PUDP: variants seen among roughly 807,000 people sequenced by gnomAD.
PUDP encodes pseudouridine 5'-phosphatase, also known as pseudouridine-5'-phosphatase.
A neutral mutation model predicts 9.4 loss-of-function variants in PUDP; 8 were observed. That is an observed-to-expected ratio of 0.85 (90% CI 0.50 to 1.53). The LOEUF is 1.53. Among genes scored for constraint, PUDP ranks in the 40% most tolerant of loss-of-function variants. The probability of loss-of-function intolerance (pLI) is 0.00; values close to 1 mark genes in which losing one functional copy is unlikely to be tolerated. For missense variants in PUDP, 188 were observed against 189.7 expected (o/e 0.99, Z 0.05); for synonymous variants, 99 against 80.7 (o/e 1.23, Z -1.22).
intron 3 of PUDP, among the ~76,000 whole-genome samples, chrX:6,816,364 CATATACT>C (rs772689754): frequency 9.7e-6 from 1 of 103,034 alleles, no homozygotes; most frequent in South Asian, 4.1e-4. Context: ...ACATATAGTA[CATATACT>C]ATATACTATA....
Position 6,956,802 on chromosome X carries a change from A to C in PUDP, c.*247+20331T>G, listed in dbSNP as rs979552290. Among the ~76,000 whole-genome samples the C allele has an allele frequency of 2.7e-5, 3 of 111,779 alleles. No individual in the cohort carries two copies. In the East Asian group the frequency reaches 8.4e-4, roughly 31 times the overall value. ...GTCATGGACTTTGCAACCAAAAGCC[A>C]CCATAGAAGGGTCCTGATTCCATTC... On this transcript the variant is annotated intron_variant and NMD_transcript_variant, in intron 3 of 3. Coordinates refer to the PUDP transcript ENST00000655425.
chrX:6,725,184 C>T (rs1391962205), upstream of PUDP, among the ~76,000 whole-genome samples: 1 of 111,596 alleles, frequency 9.0e-6, no homozygotes, highest in Non-Finnish European at 1.9e-5. Context: ...AGAATATCAT[C>T]CCTACAGGAT....
intron 1 of PUDP, among the ~76,000 whole-genome samples, chrX:7,010,557 A>G (rs1485399808): frequency 8.9e-6 from 1 of 112,180 alleles, no homozygotes; most frequent in Non-Finnish European, 1.9e-5. Context: ...TTCAATGTCC[A>G]TAAATCTTCA....
intron 3 of PUDP, among the ~76,000 whole-genome samples, chrX:7,056,834 C>A (rs988573462): frequency 8.9e-6 from 1 of 112,357 alleles, no homozygotes; most frequent in African/African-American, 3.2e-5. Flanking sequence ...CAGAGGCAAG[C>A]TGGAGGTCAT....
At chrX:6,936,886 T>C (rs1928311434) in intron 3 of PUDP, among the ~76,000 whole-genome samples, 1 of 93,078 alleles carries the variant, frequency 1.1e-5, no homozygotes, top group Non-Finnish European at 2.1e-5. Flanking sequence ...TCACAATTGC[T>C]TCAAAGAGAA....
chrX:7,008,935 A>G (rs1929440119), intron 1 of PUDP, among the ~76,000 whole-genome samples: 1 of 112,486 alleles, frequency 8.9e-6, no homozygotes, highest in South Asian at 3.6e-4. Flanking sequence ...CTACTTAACT[A>G]TTTACATTTT....
intron 3 of PUDP, among the ~76,000 whole-genome samples, chrX:6,733,770 C>CT (rs3046297): frequency 0.079 from 3,633 of 45,856 alleles, 339 homozygotes; most frequent in African/African-American, 0.14. Flanking sequence ...AAAGCAAAGC[C>CT]TTTTTTTTTT....
intron 1 of PUDP, among the ~76,000 whole-genome samples, chrX:7,026,548 C>A (rs1393268312): frequency 1.8e-5 from 2 of 111,972 alleles, no homozygotes; most frequent in East Asian, 5.7e-4. Context: ...TTGATCTTGT[C>A]CATGGTGCTG....
At chrX:7,131,362 T>C (rs1208847503) in intron 1 of PUDP, among the ~76,000 whole-genome samples, 2 of 110,657 alleles carry the variant, frequency 1.8e-5, no homozygotes, top group Non-Finnish European at 3.8e-5. Flanking sequence ...CGGACCTTAT[T>C]TGGAAAAAAG....
At chrX:6,826,465 G>A (rs1030662901) in intron 3 of PUDP, among the ~76,000 whole-genome samples, 1 of 111,535 alleles carries the variant, frequency 9.0e-6, no homozygotes, top group Non-Finnish European at 1.9e-5. Context: ...AAGACAAGGA[G>A]GTACAGGGAA....
chrX:6,905,992 G>T (rs947447342), intron 3 of PUDP, among the ~76,000 whole-genome samples: 6 of 112,053 alleles, frequency 5.4e-5, no homozygotes, highest in African/African-American at 1.9e-4. Flanking sequence ...TCCTCAGGAA[G>T]TAATCTTCAT....
intron 3 of PUDP, among the ~76,000 whole-genome samples, chrX:6,894,018 T>A (rs1208046231): frequency 8.9e-6 from 1 of 111,846 alleles, no homozygotes; most frequent in African/African-American, 3.3e-5. Flanking sequence ...AAAGACTGCT[T>A]GTTCTCACTT....
intron 1 of PUDP, among the ~76,000 whole-genome samples, chrX:7,000,496 T>C (rs1225236610): frequency 9.0e-6 from 1 of 110,959 alleles, no homozygotes; most frequent in African/African-American, 3.3e-5. Context: ...ATTCATTTTA[T>C]GAGACTAGTT....
intron 2 of PUDP, among the ~76,000 whole-genome samples, chrX:7,104,764 G>A (rs998594449): frequency 8.9e-6 from 1 of 111,978 alleles, no homozygotes; most frequent in African/African-American, 3.2e-5. Context: ...GTGTGTGTTT[G>A]CATGTGTGTG....
chrX:6,807,138 A>G (rs1926063843), intron 3 of PUDP, among the ~76,000 whole-genome samples: 1 of 112,557 alleles, frequency 8.9e-6, no homozygotes, highest in Non-Finnish European at 1.9e-5. Context: ...CTTAAGAGCC[A>G]TTAAAGAAGG....
At chrX:6,885,523 A>C (rs1927409493) in intron 3 of PUDP, among the ~76,000 whole-genome samples, 1 of 112,092 alleles carries the variant, frequency 8.9e-6, no homozygotes, top group South Asian at 3.7e-4. Flanking sequence ...TACAAACCTT[A>C]AGGGGGATCA....
At chrX:7,069,716 C>T (rs994863578) in intron 3 of PUDP, among the ~76,000 whole-genome samples, 10 of 111,195 alleles carry the variant, frequency 9.0e-5, no homozygotes, top group African/African-American at 3.3e-4. Flanking sequence ...AGAATTCAGC[C>T]CTCAGCCCTC....
At chrX:6,900,713 G>C (rs1180540943) in intron 3 of PUDP, among the ~76,000 whole-genome samples, 1 of 108,160 alleles carries the variant, frequency 9.2e-6, no homozygotes, top group Non-Finnish European at 1.9e-5. Context: ...TTCTTTTTTA[G>C]AGAGGGAGTC....
intron 1 of PUDP, among the ~76,000 whole-genome samples, chrX:6,986,728 C>T (rs750093903): frequency 9.0e-6 from 1 of 111,691 alleles, no homozygotes; most frequent in South Asian, 3.8e-4. Context: ...TGCTCTCTCC[C>T]CGGCTTCCAG....
Sources: allele counts gnomAD v4.1 joint callset (sites outside exome capture counted in the v4.1 genomes callset), GRCh38; gene constraint gnomAD v4.1.1; transcripts MANE v1.5; gene names NCBI Gene and HGNC (gene_info 2026-07-23, HGNC 2026-07-21).